Variants in NTRK3 observed in about 807,000 individuals in gnomAD.
NTRK3 encodes NT-3 growth factor receptor.
A neutral mutation model predicts 91.7 loss-of-function variants in NTRK3; 24 were observed. That is an observed-to-expected ratio of 0.26 (90% CI 0.19 to 0.37). The LOEUF (loss-of-function observed/expected upper bound fraction) is 0.37, where lower values mean the gene tolerates loss of function less well. Ranked by LOEUF, NTRK3 falls within the 10% of genes least tolerant of loss-of-function variation. The pLI, the probability that NTRK3 is intolerant of heterozygous loss-of-function variation, is 1.00. For synonymous variants in NTRK3, 483 were observed against 404.0 expected (o/e 1.20, Z -2.34); for missense variants, 880 against 1,068.9 (o/e 0.82, Z 2.46).
At chr15:87,932,147 C>T (rs1472494264) in intron 16 of NTRK3, among the ~76,000 whole-genome samples, 2 of 152,200 alleles carry the variant, frequency 1.3e-5, no homozygotes, top group Non-Finnish European at 2.9e-5. Flanking sequence ...AAACTTCATC[C>T]AGAACTTCTG....
chr15:88,007,600 T>C (rs2076586122), intron 14 of NTRK3, among the ~76,000 whole-genome samples: 1 of 152,240 alleles, frequency 6.6e-6, no homozygotes, highest in Non-Finnish European at 1.5e-5. Flanking sequence ...ATTTTCTAAC[T>C]TGGACTTGTT....
At chr15:87,887,110 A>G (rs938928951) in intron 17 of NTRK3, among the ~76,000 whole-genome samples, 7 of 152,260 alleles carry the variant, frequency 4.6e-5, no homozygotes, top group South Asian at 2.1e-4. Flanking sequence ...GAAAGCCTCA[A>G]TTTTACAGAC....
chr15:88,059,040 TCACACACAAA>T (rs1481894934), intron 13 of NTRK3, among the ~76,000 whole-genome samples: 43 of 142,478 alleles, frequency 3.0e-4, no homozygotes, highest in African/African-American at 1.0e-3. Flanking sequence ...TTTATTTCAC[TCACACACAAA>T]CACACACACA....
intron 13 of NTRK3, among the ~76,000 whole-genome samples, chr15:88,102,761 A>G (rs1250645600): frequency 6.6e-6 from 1 of 152,202 alleles, no homozygotes; most frequent in East Asian, 1.9e-4. Context: ...CTGAATTTCA[A>G]TTAGCATCCT....
At chr15:87,954,605 T>C (rs1463419628) in intron 14 of NTRK3, among the ~76,000 whole-genome samples, 1 of 152,198 alleles carries the variant, frequency 6.6e-6, no homozygotes, top group Admixed American at 6.5e-5. Flanking sequence ...AAAAAAATAT[T>C]ATCTGCAACA....
chr15:88,236,616 T>C lies in NTRK3; in HGVS notation c.248+19290A>G, dbSNP rs1314628157. 4.5e-5 allele frequency among the ~76,000 whole-genome samples: 6 copies of C among 133,266 alleles called. No individual in the cohort carries two copies. The South Asian group carries it at 9.5e-4, about 21-fold the overall frequency. The allele number at this position is 133,266 out of a possible 152,430, so 87.4% of individuals were successfully genotyped here. A position where few individuals can be genotyped will look rare whatever the true frequency, so the allele number is the denominator to read the frequency against. On this transcript the variant is annotated intron_variant, in intron 3 of 18. Coordinates refer to ENST00000394480, the Ensembl canonical transcript of NTRK3. Reference sequence around the variant, plus strand: ...AGTTGCAAAGACATACAGAGGGATATAATGGACTTTGGAGACTCAGAAGGG... The same window carrying C: ...AGTTGCAAAGACATACAGAGGGATACAATGGACTTTGGAGACTCAGAAGGG...
chr15:88,196,384 G>A (rs1316340997), intron 3 of NTRK3, among the ~76,000 whole-genome samples: 1 of 151,246 alleles, frequency 6.6e-6, no homozygotes. Context: ...GAAGAGAGAA[G>A]TCACAGGATG....
chr15:88,139,846 AAG>A (rs1455243806), intron 6 of NTRK3, among the ~76,000 whole-genome samples: 2 of 146,620 alleles, frequency 1.4e-5, no homozygotes, highest in Non-Finnish European at 3.0e-5. Context: ...TGCTGGGTGC[AAG>A]AGAGAAGCAG....
chr15:88,015,807 A>G (rs2077195444), intron 14 of NTRK3, among the ~76,000 whole-genome samples: 1 of 152,040 alleles, frequency 6.6e-6, no homozygotes, highest in African/African-American at 2.4e-5. Context: ...CTCCTGCACT[A>G]TGTTTATTCT....
intron 3 of NTRK3, among the ~76,000 whole-genome samples, chr15:88,193,731 C>T (rs1049258925): frequency 3.9e-5 from 6 of 152,184 alleles, no homozygotes; most frequent in African/African-American, 1.4e-4. Flanking sequence ...TTCTCAGGAA[C>T]ATATTCATTT....
rs1214422830 is a variant in NTRK3 at position 88,237,576 on chromosome 15, T to C, written c.248+18330A>G. On this transcript the variant is annotated intron_variant, in intron 3 of 18. Transcript: ENST00000394480. This position sits in a 1 kb window ranked among gnomAD's most constrained non-coding sequence, Gnocchi z 4.0. ...ATGAGTTGTTTTGCTTATTTACACCTGAGATCTAAATTTAAAACACAGAAC... is the reference window on the plus strand; with the variant it reads ...ATGAGTTGTTTTGCTTATTTACACCCGAGATCTAAATTTAAAACACAGAAC... 6.6e-6 allele frequency among the ~76,000 whole-genome samples: 1 copy of C among 152,216 alleles called. No individual in the cohort carries two copies. The highest frequency in any genetic ancestry group is 2.4e-5 in the African/African-American group (1 of 41,454).
chr15:88,023,742 C>T lies in NTRK3; in HGVS notation c.1585+9115G>A, dbSNP rs377138623. On this transcript the variant is annotated intron_variant, in intron 14 of 18. Coordinates refer to ENST00000394480, the Ensembl canonical transcript of NTRK3. ...GGTATGCCAACCTACCCTCTTCAGC[C>T]GCACACCCCATGCTCCCAGCCCAGC... 5.3e-5 allele frequency among the ~76,000 whole-genome samples: 8 copies of T among 152,186 alleles called. No individual in the cohort carries two copies. In the East Asian group the frequency reaches 7.7e-4, roughly 15 times the overall value.
chr15:87,941,059 G>A (rs957094502), intron 14 of NTRK3, among the ~76,000 whole-genome samples: 6 of 152,212 alleles, frequency 3.9e-5, no homozygotes, highest in Non-Finnish European at 8.8e-5. Context: ...AGCCAGAGTT[G>A]TTGGAGATAG....
At chr15:87,881,084 C>G (rs1433063824) in intron 17 of NTRK3, among the ~76,000 whole-genome samples, 2 of 152,176 alleles carry the variant, frequency 1.3e-5, no homozygotes, top group African/African-American at 4.8e-5. Context: ...ATATCAACCA[C>G]CTGTGAATCT....
chr15:87,923,270 T>C (rs751722298), intron 17 of NTRK3, among the ~76,000 whole-genome samples: 19 of 152,210 alleles, frequency 1.2e-4, no homozygotes, highest in Non-Finnish European at 2.2e-4. Flanking sequence ...CCTTTTTAAA[T>C]AGGAAGGTCA....
chr15:87,910,840 A>C (rs542093443), intron 17 of NTRK3, among the ~76,000 whole-genome samples: 15 of 152,324 alleles, frequency 9.8e-5, no homozygotes, highest in African/African-American at 3.6e-4. Flanking sequence ...ATTATTAATA[A>C]TGTCATTCAA....
intron 5 of NTRK3, among the ~76,000 whole-genome samples, chr15:88,160,365 G>T (rs2044333284): frequency 6.6e-6 from 1 of 152,206 alleles, no homozygotes; most frequent in Non-Finnish European, 1.5e-5. Flanking sequence ...GCTACAGGAT[G>T]AGCTAAGAAG....
exon 10 of NTRK3, chr15:88,135,250 T>A: frequency 6.2e-7 from 1 of 1,614,194 alleles, no homozygotes; most frequent in Non-Finnish European, 8.5e-7. Flanking sequence ...CTCTTGGTAG[T>A]ATTCCACATG....
At chr15:88,181,259 G>A (rs945973179) in intron 5 of NTRK3, among the ~76,000 whole-genome samples, 1 of 151,978 alleles carries the variant, frequency 6.6e-6, no homozygotes, top group Non-Finnish European at 1.5e-5. Context: ...CTCCAACTAG[G>A]TCCTCCTACC....
Sources: gnomAD v4.1 joint callset for allele counts (sites outside exome capture counted in the v4.1 genomes callset) on GRCh38, gnomAD v4.1.1 for gene constraint, Gnocchi (gnomAD v3.1) non-coding constraint, MANE v1.5 for transcripts, NCBI Gene and HGNC (gene_info 2026-07-23, HGNC 2026-07-21) for gene names.